HPSE2: variants seen among roughly 807,000 people sequenced by gnomAD.
The protein encoded by HPSE2 is heparanase 2 (inactive), also known as inactive heparanase-2.
HPSE2 carries 38 observed loss-of-function variants against 60.5 expected under a neutral mutation model. That is an observed-to-expected ratio of 0.63 (90% confidence interval 0.48 to 0.82). The LOEUF is 0.82. HPSE2 is among the 40% of genes least tolerant of loss of function. The pLI is 0.00. For synonymous variants in HPSE2, 295 were observed against 293.2 expected (o/e 1.01, Z -0.06); for missense variants, 713 against 740.4 (o/e 0.96, Z 0.43).
the HPSE2 span, among the ~76,000 whole-genome samples, chr10:99,294,321 T>C: frequency 6.8e-6 from 1 of 148,048 alleles, no homozygotes; most frequent in Non-Finnish European, 1.5e-5. Context: ...CTGTGCTATA[T>C]GTTTATGTAT....
At chr10:99,111,093 C>T (rs1844439098) in intron 3 of HPSE2, among the ~76,000 whole-genome samples, 1 of 152,064 alleles carries the variant, frequency 6.6e-6, no homozygotes, top group South Asian at 2.1e-4. Flanking sequence ...TTGAATTACC[C>T]TTCCTCCTTT....
At chr10:98,968,897 C>T (rs1407691849) in intron 3 of HPSE2, among the ~76,000 whole-genome samples, 1 of 152,090 alleles carries the variant, frequency 6.6e-6, no homozygotes, top group Non-Finnish European at 1.5e-5. Flanking sequence ...ACAGTGTACA[C>T]TGCTCAGGTG....
intron 3 of HPSE2, among the ~76,000 whole-genome samples, chr10:98,814,569 C>A (rs7088633): frequency 0.75 from 113,385 of 152,086 alleles, 42,952 homozygotes; most frequent in Non-Finnish European, 0.83. Context: ...GACTGCCCAA[C>A]GAAAGGAAAA....
intron 7 of HPSE2, among the ~76,000 whole-genome samples, chr10:98,636,656 GGAA>G (rs1211875355): frequency 6.6e-6 from 1 of 152,118 alleles, no homozygotes; most frequent in Non-Finnish European, 1.5e-5. Flanking sequence ...GAAAAAGGAA[GGAA>G]GAAAGGAAGA....
intron 9 of HPSE2, among the ~76,000 whole-genome samples, chr10:98,594,416 C>CTA (rs1312171346): frequency 1.3e-5 from 2 of 151,900 alleles, no homozygotes; most frequent in Non-Finnish European, 2.9e-5. Context: ...AGATATATAT[C>CTA]TATATATCTG....
At chr10:98,504,303 A>C (rs949398564) in intron 9 of HPSE2, among the ~76,000 whole-genome samples, 1 of 152,078 alleles carries the variant, frequency 6.6e-6, no homozygotes, top group East Asian at 1.9e-4. Flanking sequence ...TGAACATTTT[A>C]ATTGTTATTA....
chr10:99,305,979 G>GCGCGCGCGCGCGCGCGCGCACACACA, the HPSE2 span, among the ~76,000 whole-genome samples: 3 of 80,580 alleles, frequency 3.7e-5, no homozygotes, highest in Non-Finnish European at 7.1e-5. Context: ...GCGCGCGCGC[G>GCGCGCGCGCGCGCGCGCGCACACACA]CACACACACA....
At chr10:99,033,021 A>C (rs1957532275) in intron 3 of HPSE2, among the ~76,000 whole-genome samples, 1 of 152,216 alleles carries the variant, frequency 6.6e-6, no homozygotes, top group Admixed American at 6.5e-5. Flanking sequence ...TTGCCATGTA[A>C]GTTAACATAT....
rs1050361842 is a variant in HPSE2, at chr10:98,851,643, T to G, written c.611-107587A>C. Among the ~76,000 whole-genome samples the G allele has an allele frequency of 8.5e-5, 13 of 152,316 alleles. No homozygotes were observed. In the Middle Eastern group the frequency reaches 0.01, roughly 120 times the overall value. ...TTTTGAGGGAATCTTCCTTAAAAAA[T>G]TCCCTAATCCAACACATATTTCTCT... On this transcript the variant is annotated intron_variant, in intron 3 of 11. Transcript: ENST00000370552.
intron 3 of HPSE2, among the ~76,000 whole-genome samples, chr10:99,063,180 CAAAATA>C (rs1842504524): frequency 6.6e-6 from 1 of 151,582 alleles, no homozygotes; most frequent in South Asian, 2.1e-4. Context: ...AAAGATTTGA[CAAAATA>C]AAAATAAATT....
At chr10:98,818,698 G>A (rs1418038089) in intron 3 of HPSE2, among the ~76,000 whole-genome samples, 3 of 152,120 alleles carry the variant, frequency 2.0e-5, no homozygotes, top group African/African-American at 7.2e-5. Flanking sequence ...ATCCAGGCCT[G>A]CACCCAAAAG....
intron 9 of HPSE2, among the ~76,000 whole-genome samples, chr10:98,606,726 G>A (rs998956026): frequency 6.6e-6 from 1 of 152,120 alleles, no homozygotes; most frequent in Non-Finnish European, 1.5e-5. Flanking sequence ...AAATGTTATA[G>A]TGTAGTACAT....
At chr10:99,139,016 G>A (rs1172231219) in intron 3 of HPSE2, among the ~76,000 whole-genome samples, 1 of 152,098 alleles carries the variant, frequency 6.6e-6, no homozygotes, top group Admixed American at 6.5e-5. Flanking sequence ...ATTTACAATT[G>A]TAAAGATTTG....
intron 5 of HPSE2, among the ~76,000 whole-genome samples, chr10:98,700,180 C>T (rs1948363303): frequency 6.6e-6 from 1 of 151,554 alleles, no homozygotes; most frequent in Non-Finnish European, 1.5e-5. Flanking sequence ...GAGCCTGCAT[C>T]ACCAAGTCAA....
At chr10:98,854,261 C>A (rs796822013) in intron 3 of HPSE2, among the ~76,000 whole-genome samples, 8 of 152,222 alleles carry the variant, frequency 5.3e-5, no homozygotes, top group African/African-American at 1.9e-4. Context: ...AAATGGTTTA[C>A]TGTGTAATCA....
At chr10:98,706,903 T>A (rs2134208472) in intron 5 of HPSE2, among the ~76,000 whole-genome samples, 1 of 152,294 alleles carries the variant, frequency 6.6e-6, no homozygotes, top group East Asian at 1.9e-4. Flanking sequence ...GCACCCAACA[T>A]AATATTGTAA....
At chr10:98,735,636 GGAACCCATCTTTT>G (rs1322070259) in intron 4 of HPSE2, among the ~76,000 whole-genome samples, 1 of 152,082 alleles carries the variant, frequency 6.6e-6, no homozygotes, top group Admixed American at 6.5e-5. Flanking sequence ...CAAGACCACG[GGAACCCATCTTTT>G]GCATTGGCGT....
intron 3 of HPSE2, among the ~76,000 whole-genome samples, chr10:98,755,848 T>C (rs183573561): frequency 1.3e-4 from 20 of 151,762 alleles, no homozygotes; most frequent in Admixed American, 1.3e-3. Flanking sequence ...ATGCAAAAAT[T>C]AGTTGGGCGT....
chr10:99,098,132 T>C (rs1458045604), intron 3 of HPSE2, among the ~76,000 whole-genome samples: 2 of 152,226 alleles, frequency 1.3e-5, no homozygotes, highest in Non-Finnish European at 2.9e-5. Flanking sequence ...TATCTATGGG[T>C]TCCACAGATT....
Sources: gnomAD v4.1 joint callset for allele counts (sites outside exome capture counted in the v4.1 genomes callset) on GRCh38, gnomAD v4.1.1 for gene constraint, MANE v1.5 for transcripts, NCBI Gene and HGNC (gene_info 2026-07-23, HGNC 2026-07-21) for gene names.